FHOD3: variants seen among roughly 807,000 people sequenced by gnomAD.
The protein encoded by FHOD3 is formin homology 2 domain containing 3, also known as FH1/FH2 domain-containing protein 3.
Under a neutral mutation model 173.0 loss-of-function variants are expected in FHOD3, and 90 were observed. The observed-to-expected ratio is 0.52, with a 90% confidence interval of 0.44 to 0.62. The LOEUF (loss-of-function observed/expected upper bound fraction) is 0.62, where lower values mean the gene tolerates loss of function less well. FHOD3 is among the 20% of genes least tolerant of loss of function. FHOD3 has a pLI of 0.00. For synonymous variants in FHOD3, 828 were observed against 823.0 expected (o/e 1.01, Z -0.10); for missense variants, 1,945 against 2,034.7 (o/e 0.96, Z 0.85).
intron 7 of FHOD3, among the ~76,000 whole-genome samples, chr18:36,598,557 A>AT (rs35401627): frequency 5.7e-4 from 84 of 148,200 alleles, no homozygotes; most frequent in Middle Eastern, 3.5e-3. Context: ...TTGTTTTTAA[A>AT]TTTTTTTTTT....
At chr18:36,511,765 C>A (rs892315521) in intron 4 of FHOD3, among the ~76,000 whole-genome samples, 8 of 152,214 alleles carry the variant, frequency 5.3e-5, no homozygotes, top group Non-Finnish European at 1.2e-4. Context: ...TGTCTGAGAA[C>A]CACCGGATGA....
chr18:36,417,037 G>GT (rs754502719), intron 3 of FHOD3, among the ~76,000 whole-genome samples: 4 of 151,954 alleles, frequency 2.6e-5, no homozygotes, highest in Non-Finnish European at 4.4e-5. Context: ...CACATGCACA[G>GT]TTTTTTATAT....
At chr18:36,427,542 C>T (rs2050316653) in intron 3 of FHOD3, among the ~76,000 whole-genome samples, 1 of 152,218 alleles carries the variant, frequency 6.6e-6, no homozygotes, top group African/African-American at 2.4e-5. Flanking sequence ...GAAGACTTCT[C>T]CAGATCCCTC....
At chr18:36,590,533 T>C (rs952088528) in intron 6 of FHOD3, among the ~76,000 whole-genome samples, 1 of 152,240 alleles carries the variant, frequency 6.6e-6, no homozygotes, top group African/African-American at 2.4e-5. Context: ...ACAAAATTAG[T>C]GTTCTAGTGC....
At chr18:36,347,198 G>A (rs902046792) in intron 1 of FHOD3, among the ~76,000 whole-genome samples, 2 of 152,194 alleles carry the variant, frequency 1.3e-5, no homozygotes, top group Admixed American at 6.5e-5. Context: ...AAAGTGAAAC[G>A]GAAAATGGCA....
At chr18:36,372,554 T>C (rs933259268) in intron 2 of FHOD3, 126 bp from the exon 3 acceptor site, 1 of 647,194 alleles carries the variant, frequency 1.5e-6, no homozygotes, top group Non-Finnish European at 2.8e-6. Flanking sequence ...TCTTATTCAG[T>C]GTGGGTCTCT....
At chr18:36,777,205 T>TC (rs1184895553) in intron 28 of FHOD3, among the ~76,000 whole-genome samples, 1 of 146,270 alleles carries the variant, frequency 6.8e-6, no homozygotes, top group African/African-American at 2.5e-5. Context: ...TTTCTTTTTT[T>TC]TTTTTTTTTT....
At chr18:36,589,182 C>A (rs1231560359) in intron 6 of FHOD3, among the ~76,000 whole-genome samples, 1 of 152,214 alleles carries the variant, frequency 6.6e-6, no homozygotes, top group Non-Finnish European at 1.5e-5. Context: ...TCTGTATATT[C>A]CTGCTTTTGC....
intron 5 of FHOD3, among the ~76,000 whole-genome samples, chr18:36,558,526 T>C (rs2057974692): frequency 6.6e-6 from 1 of 152,190 alleles, no homozygotes; most frequent in Non-Finnish European, 1.5e-5. Flanking sequence ...ATTTACAAAA[T>C]ATATAAAACT....
intron 2 of FHOD3, among the ~76,000 whole-genome samples, chr18:36,366,476 A>G (rs117782680): frequency 0.029 from 4,470 of 152,304 alleles, 108 homozygotes; most frequent in Non-Finnish European, 0.046. Context: ...TTGAATTCTC[A>G]CACCCTCAGG....
intron 3 of FHOD3, among the ~76,000 whole-genome samples, chr18:36,432,081 C>T (rs1256115846): frequency 6.6e-6 from 1 of 152,186 alleles, no homozygotes; most frequent in Non-Finnish European, 1.5e-5. Context: ...ACCAAGCTAG[C>T]GCTGCCTCTC....
intron 2 of FHOD3, among the ~76,000 whole-genome samples, chr18:36,364,362 T>G (rs1418567323): frequency 1.3e-5 from 2 of 152,184 alleles, no homozygotes; most frequent in Non-Finnish European, 2.9e-5. Flanking sequence ...CATCTGTATC[T>G]CAGCCCCTAG....
At chr18:36,496,290 C>T (rs1182579654) in intron 3 of FHOD3, among the ~76,000 whole-genome samples, 1 of 152,202 alleles carries the variant, frequency 6.6e-6, no homozygotes, top group Non-Finnish European at 1.5e-5. Context: ...AGGGCTGTCA[C>T]ATCAAAGTTG....
intron 19 of FHOD3, among the ~76,000 whole-genome samples, chr18:36,728,522 C>G (rs115718869): frequency 0.014 from 2,186 of 152,046 alleles, 53 homozygotes; most frequent in African/African-American, 0.049. Flanking sequence ...GACAACTCTA[C>G]CCACAGGAAT....
At chr18:36,320,686 A>G (rs1443388974) in intron 1 of FHOD3, among the ~76,000 whole-genome samples, 1 of 152,220 alleles carries the variant, frequency 6.6e-6, no homozygotes, top group Admixed American at 6.5e-5. Context: ...ACTTTTTAAG[A>G]CTGGGTTCCT....
intron 28 of FHOD3, among the ~76,000 whole-genome samples, chr18:36,772,098 G>A (rs2043411441): frequency 6.6e-6 from 1 of 152,042 alleles, no homozygotes; most frequent in South Asian, 2.1e-4. Context: ...AATTTCCTAT[G>A]GTATCGTTTT....
chr18:36,415,616 T>G (rs144227486), intron 3 of FHOD3, among the ~76,000 whole-genome samples: 2 of 152,366 alleles, frequency 1.3e-5, no homozygotes, highest in East Asian at 3.9e-4. Flanking sequence ...GTTGATTATT[T>G]TAAAATTTGC....
At chr18:36,566,662 A>G (rs1568435633) in intron 5 of FHOD3, among the ~76,000 whole-genome samples, 1 of 152,206 alleles carries the variant, frequency 6.6e-6, no homozygotes, top group Non-Finnish European at 1.5e-5. Flanking sequence ...TGGGCATCAA[A>G]GGCGGGAGAC....
intron 5 of FHOD3, among the ~76,000 whole-genome samples, chr18:36,515,019 G>T (rs2146402429): frequency 6.6e-6 from 1 of 152,338 alleles, no homozygotes; most frequent in African/African-American, 2.4e-5. Flanking sequence ...TTTCTGGTGA[G>T]CCACAGTGAG....
Sources: gnomAD v4.1 joint callset for allele counts (sites outside exome capture counted in the v4.1 genomes callset) on GRCh38, gnomAD v4.1.1 for gene constraint, MANE v1.5 for transcripts, NCBI Gene and HGNC (gene_info 2026-07-23, HGNC 2026-07-21) for gene names.